Variants in ZNF827 observed in about 807,000 individuals in gnomAD.
ZNF827 encodes zinc finger protein 827.
Under a neutral mutation model 102.4 loss-of-function variants are expected in ZNF827, and 13 were observed. The observed-to-expected ratio is 0.13, with a 90% CI of 0.08 to 0.20. The LOEUF (loss-of-function observed/expected upper bound fraction) is 0.20. Ranked by LOEUF, ZNF827 falls within the 10% of genes least tolerant of loss-of-function variation. ZNF827 has a pLI of 1.00. For synonymous variants in ZNF827, 523 were observed against 536.2 expected (o/e 0.98, Z 0.34); for missense variants, 1,103 against 1,344.4 (o/e 0.82, Z 2.81).
At chr4:145,780,430 G>C (rs1188256082) in intron 8 of ZNF827, among the ~76,000 whole-genome samples, 1 of 152,146 alleles carries the variant, frequency 6.6e-6, no homozygotes, top group African/African-American at 2.4e-5. Flanking sequence ...GAATGAACCA[G>C]AATTTCCCCC....
At chr4:145,769,950 A>T (rs1214327102) in intron 11 of ZNF827, among the ~76,000 whole-genome samples, 1 of 152,232 alleles carries the variant, frequency 6.6e-6, no homozygotes, top group Non-Finnish European at 1.5e-5. Context: ...TTTCATTCTT[A>T]ACAAAGTAAG....
At chr4:145,779,335 G>A (rs1737603735) in intron 9 of ZNF827, 39 bp downstream of exon 9, 1 of 1,598,548 alleles carries the variant, frequency 6.3e-7, no homozygotes, top group Admixed American at 1.8e-5. Flanking sequence ...GTTGGTGATG[G>A]AGCATAGAGG....
chr4:145,776,127 A>C (rs1331358609), intron 9 of ZNF827, among the ~76,000 whole-genome samples, 167 bp from the exon 10 acceptor site: 2 of 152,214 alleles, frequency 1.3e-5, no homozygotes, highest in African/African-American at 4.8e-5. Flanking sequence ...GTCTTTACCC[A>C]GCAGGTCACT....
In ZNF827 at chr4:145,846,360, C is replaced by G. The variant is rs183528331; in HGVS notation, c.2222-347G>C. 3.7e-3 allele frequency among the ~76,000 whole-genome samples: 564 copies of G among 152,306 alleles called. 3 individuals are homozygous for G. The highest frequency in any genetic ancestry group is 6.8e-3 in the Middle Eastern group (2 of 294). ...AGGGATGGTGGTGGGCATCTATGGT[C>G]CCAGCTACTAGGGAGGCTGAGGCAG... On this transcript the variant is annotated intron_variant, in intron 6 of 14. Transcript: ENST00000508784.
At chr4:145,853,166 A>C (rs1746704732) in intron 5 of ZNF827, among the ~76,000 whole-genome samples, 1 of 152,228 alleles carries the variant, frequency 6.6e-6, no homozygotes, top group African/African-American at 2.4e-5. Context: ...GTTCCTGGAC[A>C]GGCTGACCTG....
At chr4:145,784,101 A>T (rs979344905) in intron 8 of ZNF827, among the ~76,000 whole-genome samples, 1 of 152,128 alleles carries the variant, frequency 6.6e-6, no homozygotes, top group Non-Finnish European at 1.5e-5. Context: ...ACTATGATGG[A>T]AAGTTTCCTG....
chr4:145,933,787 G>GA (rs113838687), intron 1 of ZNF827, among the ~76,000 whole-genome samples: 66,676 of 141,332 alleles, frequency 0.47, 18,403 homozygotes, highest in African/African-American at 0.78. Flanking sequence ...CACCAATGGT[G>GA]AAAAAAAAAA....
intron 1 of ZNF827, among the ~76,000 whole-genome samples, chr4:145,934,663 T>C (rs1292521463): frequency 6.6e-6 from 1 of 152,192 alleles, no homozygotes; most frequent in Non-Finnish European, 1.5e-5. Context: ...GGGTGGAACT[T>C]CCAGGTTCCC....
Position 145,763,143 on chromosome 4 carries a change from T to C in ZNF827, c.3231-21A>G. The C allele has an allele frequency of 6.5e-7, 1 of 1,535,636 alleles. No individual in the cohort carries two copies. The highest frequency in any genetic ancestry group is 1.2e-5 in the South Asian group (1 of 84,020). On this transcript the variant is annotated intron_variant, in intron 13 of 14. Coordinates refer to ENST00000508784, the MANE Select transcript of ZNF827 (RefSeq NM_001306215.2). This position sits in a 1 kb window ranked among gnomAD's most constrained non-coding sequence, Gnocchi z 4.6. ...CTGAGCTACGGCAAAAGAAAAATAA[T>C]AGTATAATCTTATTTGATCTGCATT... is the stretch of plus-strand genomic sequence containing the variant.
intron 4 of ZNF827, among the ~76,000 whole-genome samples, chr4:145,884,019 T>C (rs1749899329): frequency 6.6e-6 from 1 of 152,124 alleles, no homozygotes; most frequent in Admixed American, 6.5e-5. Flanking sequence ...AAAATCACAT[T>C]TTCCCCTAGA....
Position 145,773,354 on chromosome 4 carries a change from G to T in ZNF827, c.2860+1152C>A, listed in dbSNP as rs190018048. Among the ~76,000 whole-genome samples, 809 of 152,224 alleles carry T rather than the reference G, an allele frequency of 5.3e-3. 13 individuals are homozygous for T. Among genetic ancestry groups the T allele is most frequent in the Non-Finnish European group, 2.5e-3 (168 of 68,012 alleles). On this transcript the variant is annotated intron_variant, in intron 11 of 14. Coordinates refer to ENST00000508784, the MANE Select transcript of ZNF827 (RefSeq NM_001306215.2). ...CTGCTCAATTTACTGACAAAAACAAGCTTTTATTACTGTTGGCACCACTGA... is the reference window on the plus strand; with the variant it reads ...CTGCTCAATTTACTGACAAAAACAATCTTTTATTACTGTTGGCACCACTGA...
intron 2 of ZNF827, among the ~76,000 whole-genome samples, chr4:145,899,865 T>G (rs1319067609): frequency 6.6e-6 from 1 of 152,224 alleles, no homozygotes; most frequent in Non-Finnish European, 1.5e-5. Flanking sequence ...CTTTCCCTCC[T>G]CTTTCAGTTT....
At chr4:145,860,989 C>A (rs545300752) in intron 5 of ZNF827, among the ~76,000 whole-genome samples, 1 of 152,324 alleles carries the variant, frequency 6.6e-6, no homozygotes, top group Non-Finnish European at 1.5e-5. Flanking sequence ...CACAGATGCG[C>A]TGAGTAGCCC....
In ZNF827 at chr4:145,762,954, C is replaced by T. The variant is rs1206187415; in HGVS notation, c.*17+136G>A. ...CAGAGCCCAACACAACCAAGTGCAC[C>T]GTGCACGGCCTCCTCAGCGCCAAGC... On this transcript the variant is annotated intron_variant, in intron 14 of 14. Coordinates refer to ENST00000508784, the MANE Select transcript of ZNF827 (RefSeq NM_001306215.2). The surrounding 1 kb of genome is among the most constrained non-coding windows in gnomAD (Gnocchi z 4.9). 1.4e-5 allele frequency: 11 copies of T among 778,952 alleles called. No homozygotes were observed. The highest frequency in any genetic ancestry group is 2.2e-5 in the Non-Finnish European group (11 of 494,408). The allele number at this position is 778,952 out of a possible 1,614,324, so 48.3% of individuals were successfully genotyped here. A position where few individuals can be genotyped will look rare whatever the true frequency, so the allele number is the denominator to read the frequency against.
chr4:145,862,717 G>T (rs1171265338), intron 5 of ZNF827, among the ~76,000 whole-genome samples: 1 of 152,118 alleles, frequency 6.6e-6, no homozygotes, highest in Non-Finnish European at 1.5e-5. Context: ...CTCCACTGAG[G>T]TATTATTCAA....
In ZNF827 at chr4:145,760,811, G is replaced by A. The variant is rs1198831057; in HGVS notation, c.*805C>T. 1.7e-6 allele frequency: 2 copies of A among 1,188,662 alleles called. No homozygotes were observed. The highest frequency in any genetic ancestry group is 3.2e-5 in the African/African-American group (2 of 62,164). 73.6% of individuals were successfully genotyped at this position (1,188,662 alleles called of 1,614,324 possible). On this transcript the variant is annotated 3_prime_UTR_variant, in exon 15 of 15. Transcript: ENST00000508784. ...GTCTCTGCTCTTTCTCTCAGTCCGA[G>A]ATAGGCCAGGAAGGAGTGTTTGGGT... is the stretch of plus-strand genomic sequence containing the variant.
chr4:145,911,194 C>A (rs896740871), intron 1 of ZNF827, among the ~76,000 whole-genome samples: 1 of 152,180 alleles, frequency 6.6e-6, no homozygotes, highest in Admixed American at 6.5e-5. Flanking sequence ...CAAGAAAGAA[C>A]AACACTGCAG....
intron 1 of ZNF827, among the ~76,000 whole-genome samples, chr4:145,931,886 T>A (rs1753830975): frequency 6.6e-6 from 1 of 152,220 alleles, no homozygotes; most frequent in Non-Finnish European, 1.5e-5. Flanking sequence ...TCTCACACCT[T>A]GTGCTGCAGT....
chr4:145,902,410 A>G lies in ZNF827; in HGVS notation c.849T>C (p.Ser283=). The change falls in exon 2 of 15, where the codon TCT becomes TCC. Residue 283 remains serine, a synonymous_variant. Coordinates refer to ENST00000508784, the MANE Select transcript of ZNF827 (RefSeq NM_001306215.2). This position sits in a 1 kb window ranked among gnomAD's most constrained non-coding sequence, Gnocchi z 4.3. ...TCAGAAGGGCCGCTGAGGAGGTCAT[A>G]GAAGCCAGGGAAAGGAAGGAGCTGG... ...PPASSFLSLA[S]MTSSAALLKE... is the part of the protein sequence containing the mutation. 6.2e-7 allele frequency: 1 copy of G among 1,614,176 alleles called. No individual in the cohort carries two copies.
Sources: gnomAD v4.1 joint callset for allele counts (sites outside exome capture counted in the v4.1 genomes callset) on GRCh38, gnomAD v4.1.1 for gene constraint, Gnocchi (gnomAD v3.1) non-coding constraint, MANE v1.5 for transcripts, NCBI Gene and HGNC (gene_info 2026-07-23, HGNC 2026-07-21) for gene names.